Variants in CKAP2L observed in about 807,000 individuals in gnomAD.
The protein encoded by CKAP2L is cytoskeleton associated protein 2L, also known as cytoskeleton-associated protein 2-like.
CKAP2L carries 42 observed loss-of-function variants against 65.7 expected under a neutral mutation model. The ratio of observed to expected loss-of-function variants is 0.64; its 90% confidence interval spans 0.50 to 0.83. The LOEUF (loss-of-function observed/expected upper bound fraction) is 0.83, where lower values mean the gene tolerates loss of function less well. Among genes scored for constraint, CKAP2L ranks in the 40% least tolerant of loss-of-function variants. CKAP2L has a pLI of 0.00. For missense variants in CKAP2L, 908 were observed against 871.0 expected (o/e 1.04, Z -0.53); for synonymous variants, 325 against 313.5 (o/e 1.04, Z -0.39).
intron 7 of CKAP2L, among the ~76,000 whole-genome samples, chr2:112,741,700 T>C (rs1679977051): frequency 6.6e-6 from 1 of 152,218 alleles, no homozygotes; most frequent in African/African-American, 2.4e-5. Context: ...ATCTATTTTA[T>C]GTCCTTCTTA....
Position 112,764,589 on chromosome 2 carries a change from G to C in CKAP2L, c.10C>G (p.Pro4Ala). 2 of 1,614,174 alleles carry C rather than the reference G, an allele frequency of 1.2e-6. No individual in the cohort carries two copies. Among genetic ancestry groups the C allele is most frequent in the South Asian group, 1.1e-5 (1 of 91,086 alleles). Residue 4 changes from proline to alanine, a missense_variant, in exon 1 of 9, where the codon CCC becomes GCC. Transcript: ENST00000302450. MVG[P>A]GPTAAAAVEE... The stretch of plus-strand genomic sequence containing the variant: ...ACAGCGGCAGCAGCGGTAGGCCCGG[G>C]CCCCACCATGACTCTTCAGTGACAG...
chr2:112,741,722 G>A (rs553467184), intron 7 of CKAP2L, among the ~76,000 whole-genome samples: 10 of 152,150 alleles, frequency 6.6e-5, no homozygotes, highest in African/African-American at 2.4e-4. Flanking sequence ...CACATGTAGT[G>A]GGTTACTTAG....
intron 4 of CKAP2L, among the ~76,000 whole-genome samples, chr2:112,752,939 C>T (rs1481179720): frequency 6.6e-6 from 1 of 152,150 alleles, no homozygotes; most frequent in Non-Finnish European, 1.5e-5. Context: ...TTCCTTAGCC[C>T]TCTCTTGACC....
At chr2:112,748,227 GA>G (rs1160105483) in intron 5 of CKAP2L, among the ~76,000 whole-genome samples, 2 of 151,878 alleles carry the variant, frequency 1.3e-5, no homozygotes, top group Non-Finnish European at 2.9e-5. Flanking sequence ...ATGAATGGGA[GA>G]AAAAAATATA....
intron 6 of CKAP2L, 54 bp downstream of exon 6, chr2:112,746,365 AG>A (rs1680199728): frequency 5.5e-6 from 8 of 1,450,652 alleles, no homozygotes; most frequent in Non-Finnish European, 7.6e-6. Flanking sequence ...ACAACAACAG[AG>A]AACTCACATG....
chr2:112,764,121 G>A, intron 1 of CKAP2L: 1 of 227,280 alleles, frequency 4.4e-6, no homozygotes, highest in South Asian at 5.0e-5. Context: ...GAGGTGTGGA[G>A]TGAGAGCCCC....
chr2:112,755,898 A>G, intron 4 of CKAP2L, 79 bp downstream of exon 4: 2 of 1,381,258 alleles, frequency 1.4e-6, no homozygotes, highest in South Asian at 2.9e-5. Context: ...TTTATGGCCT[A>G]TTTCCTGACC....
Position 112,738,605 on chromosome 2 carries a change from G to A in CKAP2L, c.*218C>T. 1.8e-6 allele frequency: 1 copy of A among 555,406 alleles called. No individual in the cohort carries two copies. The highest frequency in any genetic ancestry group is 3.2e-6 in the Non-Finnish European group (1 of 314,096). The allele number at this position is 555,406 out of a possible 1,614,324, so 34.4% of individuals were successfully genotyped here. ...AAATATTCAAAAGTTTGAAATTTATGTATACTGTAAAACTGGCAAACTGGT... is the reference window on the plus strand; with the variant it reads ...AAATATTCAAAAGTTTGAAATTTATATATACTGTAAAACTGGCAAACTGGT... On this transcript the variant is annotated 3_prime_UTR_variant, in exon 9 of 9. Transcript: ENST00000302450.
At chr2:112,747,195 A>C (rs963720829) in intron 5 of CKAP2L, among the ~76,000 whole-genome samples, 5 of 151,994 alleles carry the variant, frequency 3.3e-5, no homozygotes, top group African/African-American at 1.2e-4. Context: ...GGATCAAGCA[A>C]TCCTCCCACC....
chr2:112,757,264 T>C (rs375089836), intron 3 of CKAP2L, 50 bp from the exon 4 acceptor site: 1 of 1,279,110 alleles, frequency 7.8e-7, no homozygotes, highest in Non-Finnish European at 1.1e-6. Flanking sequence ...CATATCTTAT[T>C]GTTTTTAAAA....
At chr2:112,763,936 C>T (rs1467020012) in intron 1 of CKAP2L, 1 of 152,486 alleles carries the variant, frequency 6.6e-6, no homozygotes, top group African/African-American at 2.4e-5. Flanking sequence ...TAGGCATCAA[C>T]AGGAATAATG....
At chr2:112,759,941 ATGAC>A (rs1392517454) in intron 3 of CKAP2L, among the ~76,000 whole-genome samples, 1 of 152,050 alleles carries the variant, frequency 6.6e-6, no homozygotes, top group African/African-American at 2.4e-5. Flanking sequence ...TGACTGAAAT[ATGAC>A]TGAAGTGATT....
rs116719415 is a variant in CKAP2L, at chr2:112,764,366, G to T, written c.37+196C>A. ...ACGCCCGTGAGGTATCTGGGCCTGCGCACAGCCTCCCCCGCCCAGGACCCA... is the reference window on the plus strand; with the variant it reads ...ACGCCCGTGAGGTATCTGGGCCTGCTCACAGCCTCCCCCGCCCAGGACCCA... On this transcript the variant is annotated intron_variant, in intron 1 of 8. Transcript: ENST00000302450. Among the ~76,000 whole-genome samples, 1,185 of 152,316 alleles carry T rather than the reference G, an allele frequency of 7.8e-3. 15 individuals carry two copies. Among genetic ancestry groups the T allele is most frequent in the African/African-American group, 0.027 (1,123 of 41,568 alleles).
At chr2:112,759,138 ATAATAG>A (rs1259171617) in intron 3 of CKAP2L, among the ~76,000 whole-genome samples, 1 of 152,244 alleles carries the variant, frequency 6.6e-6, no homozygotes, top group African/African-American at 2.4e-5. Context: ...AGCAAAATTA[ATAATAG>A]TAAAAGTATC....
At position 112,756,107 on chromosome 2, in the gene CKAP2L, A is replaced by G; in HGVS notation, c.1264T>C (p.Leu422=). The G allele has an allele frequency of 1.2e-6, 2 of 1,614,140 alleles. No homozygotes were observed. The highest frequency in any genetic ancestry group is 1.7e-6 in the Non-Finnish European group (2 of 1,180,012). The change falls in exon 4 of 9, where the codon TTG becomes CTG. Residue 422 remains leucine (L), a synonymous_variant. Coordinates refer to ENST00000302450, the MANE Select transcript of CKAP2L (RefSeq NM_152515.5). ...TGGTTCTGGGGAACAGCCTTTTTCAACTTGGAGTCCAAAGTCTGTGCTTTT... is the reference window on the plus strand; with the variant it reads ...TGGTTCTGGGGAACAGCCTTTTTCAGCTTGGAGTCCAAAGTCTGTGCTTTT... ...QQKAQTLDSK[L]KKAVPQNHFL... is the part of the protein sequence containing the mutation.
At chr2:112,742,493 G>A (rs1201419759) in intron 7 of CKAP2L, 1 of 718,346 alleles carries the variant, frequency 1.4e-6, no homozygotes, top group Non-Finnish European at 2.6e-6. Context: ...CTGTTTTGGT[G>A]GAAACAACCT....
Position 112,759,730 on chromosome 2 carries a change from AATG to A in CKAP2L, c.156+980_156+982del, listed in dbSNP as rs1321132693. 5.9e-5 allele frequency among the ~76,000 whole-genome samples: 9 copies of A among 152,316 alleles called. No homozygotes were observed. In the South Asian group the frequency reaches 1.9e-3, roughly 32 times the overall value. On this transcript the variant is annotated intron_variant, in intron 3 of 8. Coordinates refer to ENST00000302450, the MANE Select transcript of CKAP2L (RefSeq NM_152515.5). ...CATTTTGCTATCCTTCACAGTGTCT[AATG>A]ATGTCATGTATACATACAACATATA...
Position 112,738,532 on chromosome 2 carries a change from G to A in CKAP2L, c.*291C>T, listed in dbSNP as rs2104835681. The A allele has an allele frequency of 3.0e-6, 1 of 333,694 alleles. No homozygotes were observed. Among genetic ancestry groups the A allele is most frequent in the East Asian group, 6.4e-5 (1 of 15,562 alleles). The allele number at this position is 333,694 out of a possible 1,614,324, so 20.7% of individuals were successfully genotyped here. ...CTTCTGATATAAAAAACTATGTTGG[G>A]ATTAAAGTAGATCAATAAAGTATAA... is the stretch of plus-strand genomic sequence containing the variant. On this transcript the variant is annotated 3_prime_UTR_variant, in exon 9 of 9. Coordinates refer to ENST00000302450, the MANE Select transcript of CKAP2L (RefSeq NM_152515.5).
rs1476344561 is a variant in CKAP2L, at chr2:112,740,895, G to A, written c.1935C>T (p.Val645=). ...SCLSPKEREQ[V]TATPRIAKAE... is the part of the protein sequence containing the mutation. Reference sequence around the variant, plus strand: ...CCTTGGCTATTCGGGGTGTCGCCGTGACTTGTTCCCTCTCTTTTGGAGAAA... The same window carrying A: ...CCTTGGCTATTCGGGGTGTCGCCGTAACTTGTTCCCTCTCTTTTGGAGAAA... The change falls in exon 8 of 9, where the codon GTC becomes GTT. Residue 645 remains valine (V), a synonymous_variant. Coordinates refer to ENST00000302450, the MANE Select transcript of CKAP2L (RefSeq NM_152515.5). The A allele has an allele frequency of 9.9e-6, 16 of 1,613,924 alleles. No homozygotes were observed. Among genetic ancestry groups the A allele is most frequent in the South Asian group, 4.4e-5 (4 of 91,062 alleles).
Sources: allele counts gnomAD v4.1 joint callset (sites outside exome capture counted in the v4.1 genomes callset), GRCh38; gene constraint gnomAD v4.1.1; transcripts MANE v1.5; gene names NCBI Gene and HGNC (gene_info 2026-07-23, HGNC 2026-07-21).